Variants in C12orf42 observed in about 807,000 individuals in gnomAD.
C12orf42 encodes uncharacterized protein C12orf42.
Under a neutral mutation model 21.6 loss-of-function variants are expected in C12orf42, and 25 were observed. The ratio of observed to expected loss-of-function variants is 1.16; its 90% CI spans 0.84 to 1.62. The LOEUF (loss-of-function observed/expected upper bound fraction) is 1.62, where lower values mean the gene tolerates loss of function less well. C12orf42 is among the 40% of genes most tolerant of loss of function. The pLI is 0.00. For missense variants in C12orf42, 483 were observed against 459.3 expected (o/e 1.05, Z -0.47); for synonymous variants, 174 against 175.0 (o/e 0.99, Z 0.05).
At chr12:103,498,340 A>C (rs756743527), upstream of C12orf42, among the ~76,000 whole-genome samples, 6 of 152,282 alleles carry the variant, frequency 3.9e-5, no homozygotes, top group Non-Finnish European at 8.8e-5. Context: ...GCAGATGCTC[A>C]ATAAATCGTT....
the C12orf42 span, among the ~76,000 whole-genome samples, chr12:103,122,765 G>A: frequency 2.0e-5 from 3 of 152,130 alleles, no homozygotes; most frequent in Non-Finnish European, 4.4e-5. Flanking sequence ...GTTTATGACA[G>A]GAGAGTCTTG....
At chr12:103,405,941 G>A (rs1242071908) in intron 2 of C12orf42, among the ~76,000 whole-genome samples, 1 of 152,094 alleles carries the variant, frequency 6.6e-6, no homozygotes, top group African/African-American at 2.4e-5. Context: ...TATTTAGGTT[G>A]TCTACTTAGT....
At chr12:103,352,526 A>G (rs1214387496) in intron 4 of C12orf42, among the ~76,000 whole-genome samples, 1 of 152,080 alleles carries the variant, frequency 6.6e-6, no homozygotes, top group Non-Finnish European at 1.5e-5. Context: ...GGGTTTTCTA[A>G]CTAATGAATA....
At chr12:103,240,279 A>T (rs1345981174) in intron 10 of C12orf42, among the ~76,000 whole-genome samples, 1 of 152,202 alleles carries the variant, frequency 6.6e-6, no homozygotes, top group Admixed American at 6.5e-5. Context: ...CAAGCGACCT[A>T]AACAGATGCC....
the C12orf42 span, among the ~76,000 whole-genome samples, chr12:103,158,420 C>G: frequency 6.6e-6 from 1 of 152,084 alleles, no homozygotes; most frequent in South Asian, 2.1e-4. Context: ...ACATTCGCTT[C>G]CATTTCTAAG....
the C12orf42 span, among the ~76,000 whole-genome samples, chr12:103,516,995 A>G: frequency 2.6e-5 from 4 of 152,212 alleles, no homozygotes; most frequent in African/African-American, 9.6e-5. Context: ...ACCAAGAAAG[A>G]CCAGGACATG....
intron 5 of C12orf42, among the ~76,000 whole-genome samples, chr12:103,302,870 G>C (rs556115282): frequency 1.3e-5 from 2 of 152,110 alleles, no homozygotes; most frequent in African/African-American, 4.8e-5. Flanking sequence ...CTCCTAAAGA[G>C]AGAGACATAG....
intron 3 of C12orf42, among the ~76,000 whole-genome samples, chr12:103,371,599 G>C (rs1462884033): frequency 6.6e-6 from 1 of 152,156 alleles, no homozygotes. Context: ...AGAGAGAGGA[G>C]TACCACAGGA....
At chr12:103,147,623 CTTTTTTT>C in the C12orf42 span, among the ~76,000 whole-genome samples, 5 of 99,314 alleles carry the variant, frequency 5.0e-5, no homozygotes, top group Non-Finnish European at 7.5e-5. Context: ...TTCTCTCTCT[CTTTTTTT>C]TTTTTTTTTT....
At chr12:103,374,086 A>G (rs1355457743) in intron 3 of C12orf42, among the ~76,000 whole-genome samples, 1 of 152,188 alleles carries the variant, frequency 6.6e-6, no homozygotes, top group Non-Finnish European at 1.5e-5. Flanking sequence ...CTGGAGACAA[A>G]TGATGTGTGT....
the C12orf42 span, among the ~76,000 whole-genome samples, chr12:103,210,624 T>C: frequency 7.2e-6 from 1 of 138,452 alleles, no homozygotes; most frequent in Non-Finnish European, 1.6e-5. Context: ...CATCTTGGTG[T>C]AACACCCTCT....
chr12:103,323,287 G>T (rs544519838), intron 4 of C12orf42, among the ~76,000 whole-genome samples: 1 of 152,150 alleles, frequency 6.6e-6, no homozygotes, highest in East Asian at 1.9e-4. Flanking sequence ...GATCCTCTCT[G>T]CCTCTGTTTC....
chr12:103,150,770 A>G, the C12orf42 span, among the ~76,000 whole-genome samples: 2 of 152,232 alleles, frequency 1.3e-5, no homozygotes, highest in African/African-American at 4.8e-5. Flanking sequence ...TACTGGAATG[A>G]TCAGAATATT....
At chr12:103,447,661 G>C (rs1320300614) in intron 2 of C12orf42, among the ~76,000 whole-genome samples, 2 of 151,812 alleles carry the variant, frequency 1.3e-5, no homozygotes, top group African/African-American at 4.8e-5. Flanking sequence ...ACCAAGCTGA[G>C]AATCAAATCA....
At chr12:103,140,994 G>A in the C12orf42 span, among the ~76,000 whole-genome samples, 3 of 152,170 alleles carry the variant, frequency 2.0e-5, no homozygotes, top group Non-Finnish European at 4.4e-5. Flanking sequence ...CCTGGGAAAA[G>A]CACTTTGCCT....
At chr12:103,347,102 G>A (rs1024874377) in intron 4 of C12orf42, among the ~76,000 whole-genome samples, 1 of 152,132 alleles carries the variant, frequency 6.6e-6, no homozygotes, top group South Asian at 2.1e-4. Context: ...TACATGAGCA[G>A]AATGTGCAGT....
chr12:103,090,783 A>G, the C12orf42 span, among the ~76,000 whole-genome samples: 6 of 152,104 alleles, frequency 3.9e-5, no homozygotes, highest in African/African-American at 1.4e-4. Context: ...CAGAGAGAGG[A>G]CGTGGATTCT....
chr12:103,292,369 G>T (rs2036879565), intron 4 of C12orf42, among the ~76,000 whole-genome samples: 1 of 151,976 alleles, frequency 6.6e-6, no homozygotes, highest in African/African-American at 2.4e-5. Flanking sequence ...TAAGATGGGT[G>T]AATTATATGA....
At chr12:103,280,299 G>A (rs883064) in intron 4 of C12orf42, among the ~76,000 whole-genome samples, 27,299 of 152,014 alleles carry the variant, frequency 0.18, 2,505 homozygotes, top group East Asian at 0.33. Flanking sequence ...AACAACAACA[G>A]AAAAGAGATA....
Sources: gnomAD v4.1 joint callset for allele counts (sites outside exome capture counted in the v4.1 genomes callset) on GRCh38, gnomAD v4.1.1 for gene constraint, MANE v1.5 for transcripts, NCBI Gene and HGNC (gene_info 2026-07-23, HGNC 2026-07-21) for gene names.